The following KAZN variants were observed in gnomAD, a reference collection of about 807,000 sequenced individuals.
KAZN encodes kazrin.
KAZN carries 40 observed loss-of-function variants against 87.4 expected under a neutral mutation model. That is an observed-to-expected ratio of 0.46 (90% confidence interval 0.36 to 0.60). The LOEUF (loss-of-function observed/expected upper bound fraction) is 0.60. KAZN is among the 20% of genes least tolerant of loss of function. KAZN has a pLI of 0.00. For missense variants in KAZN, 898 were observed against 1,073.9 expected, an observed-to-expected ratio of 0.84 and a Z score of 2.29; for synonymous variants, 466 against 458.3, an observed-to-expected ratio of 1.02 and a Z score of -0.22.
chr1:14,306,217 GA>G (rs1654917888), intron 2 of KAZN, among the ~76,000 whole-genome samples: 1 of 152,164 alleles, frequency 6.6e-6, no homozygotes, highest in Non-Finnish European at 1.5e-5. Flanking sequence ...AGTGCTTTGT[GA>G]AAAAATTAAA....
At chr1:14,102,362 G>A (rs1342847524) in intron 1 of KAZN, among the ~76,000 whole-genome samples, 1 of 152,176 alleles carries the variant, frequency 6.6e-6, no homozygotes, top group African/African-American at 2.4e-5. Flanking sequence ...CTGCCCTCAC[G>A]CCCTTTGGTT....
intron 1 of KAZN, among the ~76,000 whole-genome samples, chr1:14,813,242 T>G (rs1646464797): frequency 6.6e-6 from 1 of 152,168 alleles, no homozygotes; most frequent in Non-Finnish European, 1.5e-5. Flanking sequence ...TAATCTGCCT[T>G]CTCTTGAATC....
chr1:14,006,531 T>A (rs114275968), intron 1 of KAZN, among the ~76,000 whole-genome samples: 1 of 152,356 alleles, frequency 6.6e-6, no homozygotes, highest in Non-Finnish European at 1.5e-5. Flanking sequence ...TGTGTAAGAT[T>A]AGGGTCCAGT....
At position 13,952,812 on chromosome 1, in the gene KAZN, C is replaced by G. The variant is rs114112690; in HGVS notation, c.91+59056C>G. Among the ~76,000 whole-genome samples the G allele has an allele frequency of 3.9e-3, 592 of 152,360 alleles. 6 individuals are homozygous for G. Among genetic ancestry groups the G allele is most frequent in the African/African-American group, 0.014 (571 of 41,580 alleles). On this transcript the variant is annotated intron_variant, in intron 1 of 16. Coordinates refer to the KAZN transcript ENST00000636203. ...AATACCAGTAGTATCAGCTGGACCACAATTGTGCTGTGTGACCTTGGGATG... is the reference window on the plus strand; with the variant it reads ...AATACCAGTAGTATCAGCTGGACCAGAATTGTGCTGTGTGACCTTGGGATG...
chr1:14,868,924 C>T (rs1318826674), intron 1 of KAZN, among the ~76,000 whole-genome samples: 1 of 151,872 alleles, frequency 6.6e-6, no homozygotes, highest in South Asian at 2.1e-4. Context: ...TCGGGGTTGG[C>T]GGGGGGGTGC....
intron 2 of KAZN, among the ~76,000 whole-genome samples, chr1:14,558,768 T>C (rs16850476): frequency 0.11 from 16,712 of 152,194 alleles, 997 homozygotes; most frequent in Middle Eastern, 0.16. Context: ...TTCTATCATC[T>C]AGCCTAGAGT....
intron 2 of KAZN, among the ~76,000 whole-genome samples, chr1:14,383,263 G>C (rs1164899773): frequency 2.0e-5 from 3 of 149,232 alleles, no homozygotes; most frequent in Non-Finnish European, 4.5e-5. Flanking sequence ...CATTTTGTAG[G>C]TTGCCTGTTC....
chr1:15,008,598 G>A (rs1669265738), intron 2 of KAZN, among the ~76,000 whole-genome samples: 3 of 152,226 alleles, frequency 2.0e-5, no homozygotes, highest in South Asian at 2.1e-4. Context: ...GGAACAGGCA[G>A]GTTCAAAGGC....
At chr1:13,950,117 C>T (rs548219797) in intron 1 of KAZN, among the ~76,000 whole-genome samples, 4 of 152,350 alleles carry the variant, frequency 2.6e-5, no homozygotes, top group Admixed American at 2.0e-4. Flanking sequence ...CCTCCCAGGC[C>T]TCTTCCTTTG....
At chr1:14,124,752 A>G (rs946836615) in intron 1 of KAZN, among the ~76,000 whole-genome samples, 3 of 152,074 alleles carry the variant, frequency 2.0e-5, no homozygotes, top group African/African-American at 7.2e-5. Context: ...CTTGCGGAAT[A>G]CTCACCTGTT....
At chr1:14,283,069 A>G (rs1031061283) in intron 2 of KAZN, among the ~76,000 whole-genome samples, 1 of 152,184 alleles carries the variant, frequency 6.6e-6, no homozygotes, top group African/African-American at 2.4e-5. Context: ...GGAGCAAACC[A>G]CAATTAGCAG....
chr1:14,770,184 A>G (rs1452871226), intron 1 of KAZN, among the ~76,000 whole-genome samples: 5 of 152,220 alleles, frequency 3.3e-5, no homozygotes, highest in Admixed American at 3.3e-4. Context: ...TAAGGAAAAG[A>G]GAAAGCCATA....
At chr1:14,893,415 C>A (rs1367169133) in intron 1 of KAZN, among the ~76,000 whole-genome samples, 2 of 152,192 alleles carry the variant, frequency 1.3e-5, no homozygotes, top group Admixed American at 1.3e-4. Context: ...AGGAGCTCCA[C>A]AGGAGAGGCA....
At chr1:14,839,573 C>T (rs533544314) in intron 1 of KAZN, among the ~76,000 whole-genome samples, 1 of 152,156 alleles carries the variant, frequency 6.6e-6, no homozygotes, top group African/African-American at 2.4e-5. Flanking sequence ...ACCAAGATAT[C>T]CTTCCCTGTC....
intron 2 of KAZN, among the ~76,000 whole-genome samples, chr1:14,426,551 C>T (rs1390630185): frequency 6.6e-6 from 1 of 152,184 alleles, no homozygotes; most frequent in Admixed American, 6.5e-5. Flanking sequence ...GGCCCAACTG[C>T]AGTTGCCCTA....
chr1:14,387,841 C>G (rs1457050903), intron 2 of KAZN, among the ~76,000 whole-genome samples: 1 of 152,162 alleles, frequency 6.6e-6, no homozygotes, highest in Non-Finnish European at 1.5e-5. Flanking sequence ...GTGGGCTCCA[C>G]CCAGTTCGAG....
At chr1:14,134,037 A>G (rs79801869) in intron 1 of KAZN, among the ~76,000 whole-genome samples, 1,770 of 152,328 alleles carry the variant, frequency 0.012, 38 homozygotes, top group African/African-American at 0.041. Context: ...CATTTAACAG[A>G]TTGTATCAAA....
intron 1 of KAZN, among the ~76,000 whole-genome samples, chr1:14,691,050 T>C (rs947496005): frequency 1.3e-5 from 2 of 152,332 alleles, no homozygotes; most frequent in East Asian, 1.9e-4. Flanking sequence ...TAAAGGCAAA[T>C]GTATACTTTT....
At chr1:13,941,036 A>G (rs1026197384) in intron 1 of KAZN, among the ~76,000 whole-genome samples, 3 of 152,104 alleles carry the variant, frequency 2.0e-5, no homozygotes, top group African/African-American at 7.2e-5. Flanking sequence ...TTTACTAAAA[A>G]TACAAAAATT....
Sources: gnomAD v4.1 joint callset for allele counts (sites outside exome capture counted in the v4.1 genomes callset) on GRCh38, gnomAD v4.1.1 for gene constraint, MANE v1.5 for transcripts, NCBI Gene and HGNC (gene_info 2026-07-23, HGNC 2026-07-21) for gene names.